The following VPS13B variants were observed in gnomAD, a reference collection of about 807,000 sequenced individuals.
The protein encoded by VPS13B is vacuolar protein sorting 13 homolog B.
VPS13B carries 285 observed loss-of-function variants against 426.4 expected under a neutral mutation model. The observed-to-expected ratio is 0.67, with a 90% CI of 0.61 to 0.74. VPS13B has a LOEUF of 0.74. Among genes scored for constraint, VPS13B ranks in the 30% least tolerant of loss-of-function variants. The pLI is 0.00. For synonymous variants in VPS13B, 1,676 were observed against 1,676.4 expected, an observed-to-expected ratio of 1.00 and a Z score of 0.01; for missense variants, 4,537 against 4,782.6, an observed-to-expected ratio of 0.95 and a Z score of 1.51.
intron 25 of VPS13B, among the ~76,000 whole-genome samples, chr8:99,486,230 T>A (rs1193627792): frequency 6.6e-6 from 1 of 151,916 alleles, no homozygotes; most frequent in African/African-American, 2.4e-5. Flanking sequence ...ATTTAGTTTC[T>A]CATGTTTGTT....
chr8:99,654,451 A>G (rs986842622), intron 34 of VPS13B, among the ~76,000 whole-genome samples: 1 of 152,208 alleles, frequency 6.6e-6, no homozygotes, highest in Non-Finnish European at 1.5e-5. Flanking sequence ...GTGGCTACAT[A>G]AGAAAAAGAA....
intron 13 of VPS13B, among the ~76,000 whole-genome samples, chr8:99,143,514 T>A (rs1810544680): frequency 6.6e-6 from 1 of 152,212 alleles, no homozygotes; most frequent in Admixed American, 6.5e-5. Context: ...ACACACAAAT[T>A]TAACATTGAA....
chr8:99,685,334 T>G (rs984880043), intron 35 of VPS13B, among the ~76,000 whole-genome samples: 3 of 152,250 alleles, frequency 2.0e-5, no homozygotes, highest in Non-Finnish European at 2.9e-5. Context: ...GTTAGAAGTC[T>G]AGGTGAGTTC....
chr8:99,827,212 G>T (rs1814741032), intron 51 of VPS13B, among the ~76,000 whole-genome samples: 2 of 152,028 alleles, frequency 1.3e-5, no homozygotes, highest in Middle Eastern at 3.2e-3. Context: ...CGCATTTTTG[G>T]TTGGTAGGCT....
At chr8:99,748,651 G>T (rs965651075) in intron 39 of VPS13B, among the ~76,000 whole-genome samples, 4 of 152,114 alleles carry the variant, frequency 2.6e-5, no homozygotes, top group African/African-American at 4.8e-5. Flanking sequence ...ATGTTTCCTT[G>T]TAATGGTATA....
chr8:99,849,754 G>A (rs1563507088), intron 55 of VPS13B, among the ~76,000 whole-genome samples: 2 of 150,810 alleles, frequency 1.3e-5, no homozygotes, highest in Non-Finnish European at 3.0e-5. Context: ...CCCATCCATA[G>A]GGAAATAGAT....
In VPS13B at chr8:99,467,514, C is replaced by T. The variant is rs2133511066; in HGVS notation, c.3546C>T (p.Thr1182=). 1 of 1,613,738 alleles carries T rather than the reference C, an allele frequency of 6.2e-7. No homozygotes were observed. The highest frequency in any genetic ancestry group is 2.2e-5 in the East Asian group (1 of 44,862). Residue 1182 remains threonine, a synonymous_variant, in exon 24 of 62, where the codon ACC becomes ACT. Transcript: ENST00000357162. ...GCCTAGTGGAACCTATGGGTTGCAC[C>T]TCCACTCTAGCTGTCACGTCTCAAA... ...TLCLVEPMGC[T]STLAVTSQKL...
intron 13 of VPS13B, among the ~76,000 whole-genome samples, chr8:99,144,457 C>T (rs1003103754): frequency 2.7e-5 from 4 of 150,620 alleles, no homozygotes; most frequent in East Asian, 1.9e-4. Context: ...CCACTGTGCT[C>T]CAGCCTGGCC....
At chr8:99,542,131 C>T (rs1008605337) in intron 30 of VPS13B, among the ~76,000 whole-genome samples, 2 of 152,140 alleles carry the variant, frequency 1.3e-5, no homozygotes, top group African/African-American at 4.8e-5. Context: ...CCTCATGATC[C>T]GCCCGCCTTG....
chr8:99,729,198 A>G (rs116148198), intron 39 of VPS13B, among the ~76,000 whole-genome samples: 318 of 152,170 alleles, frequency 2.1e-3, no homozygotes, highest in African/African-American at 7.3e-3. Flanking sequence ...TTCCCAGGGG[A>G]TCTATTTTAT....
chr8:99,312,956 G>C (rs888596686), intron 19 of VPS13B, among the ~76,000 whole-genome samples: 2 of 151,962 alleles, frequency 1.3e-5, no homozygotes, highest in South Asian at 4.1e-4. Flanking sequence ...CCAGTTGATC[G>C]AATCGGCTAA....
At chr8:99,148,104 A>G (rs1351955723) in intron 14 of VPS13B, 94 bp downstream of exon 14, 11 of 1,370,124 alleles carry the variant, frequency 8.0e-6, no homozygotes, top group Non-Finnish European at 1.1e-5. Flanking sequence ...GCAGCCGGGC[A>G]CAGTGGCTTG....
At chr8:99,412,581 G>C (rs1032412039) in intron 21 of VPS13B, among the ~76,000 whole-genome samples, 1 of 152,086 alleles carries the variant, frequency 6.6e-6, no homozygotes, top group East Asian at 1.9e-4. Context: ...ATGCCTGATT[G>C]CCCTGGCCAA....
At chr8:99,393,034 A>G (rs553879882) in intron 21 of VPS13B, among the ~76,000 whole-genome samples, 1 of 152,256 alleles carries the variant, frequency 6.6e-6, no homozygotes, top group South Asian at 2.1e-4. Context: ...ATAAAGGTTT[A>G]TAAACATCAC....
intron 17 of VPS13B, among the ~76,000 whole-genome samples, chr8:99,224,482 A>G (rs971502360): frequency 3.9e-5 from 6 of 152,208 alleles, no homozygotes; most frequent in African/African-American, 9.6e-5. Flanking sequence ...TGAAATGATT[A>G]TTAGAAAATT....
chr8:99,369,767 T>A (rs1156612825), intron 19 of VPS13B, among the ~76,000 whole-genome samples: 1 of 152,224 alleles, frequency 6.6e-6, no homozygotes, highest in Non-Finnish European at 1.5e-5. Flanking sequence ...AGGAGTTTCA[T>A]CTATAGCAAA....
intron 44 of VPS13B, among the ~76,000 whole-genome samples, chr8:99,816,069 C>T (rs1026191222): frequency 2.7e-5 from 4 of 149,614 alleles, no homozygotes; most frequent in Non-Finnish European, 4.4e-5. Flanking sequence ...TAACCTTGGC[C>T]TCTACCAGGC....
chr8:99,221,546 T>C (rs1815723773), intron 17 of VPS13B, among the ~76,000 whole-genome samples: 1 of 152,258 alleles, frequency 6.6e-6, no homozygotes, highest in Non-Finnish European at 1.5e-5. Flanking sequence ...TGAAGTTTAT[T>C]CTGTTACACA....
At position 99,574,165 on chromosome 8, in the gene VPS13B, T is replaced by C. The variant is rs912783276; in HGVS notation, c.4950-1493T>C. Among the ~76,000 whole-genome samples the C allele has an allele frequency of 3.9e-5, 6 of 152,354 alleles. No homozygotes were observed. In the East Asian group the frequency reaches 9.6e-4, roughly 24 times the overall value. ...ACATTGATTTTGTATCCTGAGACTT[T>C]GCTGAAGTTGCTTATCAGCTTAAGG... On this transcript the variant is annotated intron_variant, in intron 31 of 61. Transcript: ENST00000357162.
Sources: gnomAD v4.1 joint callset for allele counts (sites outside exome capture counted in the v4.1 genomes callset) on GRCh38, gnomAD v4.1.1 for gene constraint, MANE v1.5 for transcripts, NCBI Gene and HGNC (gene_info 2026-07-23, HGNC 2026-07-21) for gene names.